Variants in GRIA1 observed in about 807,000 individuals in gnomAD.
GRIA1 encodes the protein glutamate ionotropic receptor AMPA type subunit 1.
GRIA1 carries 31 observed loss-of-function variants against 99.2 expected under a neutral mutation model. That is an observed-to-expected ratio of 0.31 (90% confidence interval 0.23 to 0.42). The LOEUF (loss-of-function observed/expected upper bound fraction) is 0.42, where lower values mean the gene tolerates loss of function less well. Ranked by LOEUF, GRIA1 falls within the 10% of genes least tolerant of loss-of-function variation. The pLI is 1.00. For missense variants in GRIA1, 782 were observed against 1,157.5 expected (o/e 0.68, Z 4.71); for synonymous variants, 438 against 432.4 (o/e 1.01, Z -0.16).
At chr5:153,794,600 G>A in intron 13 of GRIA1, 21 bp from the exon 14 acceptor site, 2 of 1,474,370 alleles carry the variant, frequency 1.4e-6, no homozygotes, top group Non-Finnish European at 1.9e-6. Context: ...CTCATCGAGT[G>A]TTATTTATTC....
chr5:153,506,409 C>T (rs1755510981), intron 2 of GRIA1, among the ~76,000 whole-genome samples: 2 of 150,506 alleles, frequency 1.3e-5, no homozygotes, highest in African/African-American at 4.9e-5. Context: ...AACTAGATGG[C>T]TTCTAGATCC....
intron 2 of GRIA1, among the ~76,000 whole-genome samples, chr5:153,605,508 A>T (rs1318507472): frequency 6.6e-6 from 1 of 152,164 alleles, no homozygotes; most frequent in Non-Finnish European, 1.5e-5. Flanking sequence ...TTTTTGTTGG[A>T]TATAAACCTG....
intron 2 of GRIA1, among the ~76,000 whole-genome samples, chr5:153,560,972 A>G (rs1257474042): frequency 1.8e-4 from 27 of 151,980 alleles, no homozygotes; most frequent in Admixed American, 1.8e-3. Flanking sequence ...GATCTGAGAC[A>G]AAGGAGCAGG....
At chr5:153,701,302 GC>G (rs1188548398) in intron 10 of GRIA1, among the ~76,000 whole-genome samples, 1 of 152,076 alleles carries the variant, frequency 6.6e-6, no homozygotes, top group Non-Finnish European at 1.5e-5. Context: ...TCCTTATCAG[GC>G]CTGTTCCTCT....
chr5:153,784,827 AC>A (rs1449209445), intron 13 of GRIA1, among the ~76,000 whole-genome samples: 1 of 152,142 alleles, frequency 6.6e-6, no homozygotes, highest in Non-Finnish European at 1.5e-5. Flanking sequence ...GGACTTTGAG[AC>A]CATTGTCCAA....
At position 153,786,096 on chromosome 5, in the gene GRIA1, A is replaced by G. The variant is rs558465814; in HGVS notation, c.2271-8525A>G. Reference sequence around the variant, plus strand: ...AGCCGTTATATTTTTCAGTTAATTGATATACATTTGCTTAGAACTGACTGT... The same window carrying G: ...AGCCGTTATATTTTTCAGTTAATTGGTATACATTTGCTTAGAACTGACTGT... On this transcript the variant is annotated intron_variant, in intron 13 of 15. Coordinates refer to ENST00000285900, the MANE Select transcript of GRIA1 (RefSeq NM_000827.4). Among the ~76,000 whole-genome samples, 571 of 152,198 alleles carry G rather than the reference A, an allele frequency of 3.8e-3. 8 individuals carry two copies. The South Asian group carries it at 0.057, about 15-fold the overall frequency.
At chr5:153,587,985 C>T (rs1645161536) in intron 2 of GRIA1, among the ~76,000 whole-genome samples, 1 of 152,106 alleles carries the variant, frequency 6.6e-6, no homozygotes, top group Non-Finnish European at 1.5e-5. Context: ...CACATTTATA[C>T]CAAAATCTTA....
chr5:153,627,410 G>C (rs1196383334), intron 2 of GRIA1, among the ~76,000 whole-genome samples: 1 of 152,102 alleles, frequency 6.6e-6, no homozygotes. Flanking sequence ...TAACCACTCA[G>C]GTGTCTAGCC....
chr5:153,697,526 G>T (rs1002462112), intron 8 of GRIA1, among the ~76,000 whole-genome samples: 2 of 152,044 alleles, frequency 1.3e-5, no homozygotes, highest in African/African-American at 4.8e-5. Context: ...GGAGACAGAA[G>T]AAATTTTTAA....
intron 2 of GRIA1, among the ~76,000 whole-genome samples, chr5:153,616,318 C>T (rs1435229127): frequency 6.6e-6 from 1 of 152,104 alleles, no homozygotes; most frequent in Non-Finnish European, 1.5e-5. Context: ...GATTATAATT[C>T]TTATCTCGCA....
At chr5:153,666,072 T>C (rs971650632) in intron 5 of GRIA1, among the ~76,000 whole-genome samples, 2 of 152,180 alleles carry the variant, frequency 1.3e-5, no homozygotes, top group South Asian at 2.1e-4. Context: ...TATGACCTGG[T>C]TCACAATAGA....
intron 13 of GRIA1, among the ~76,000 whole-genome samples, chr5:153,791,008 A>C (rs1462072481): frequency 6.6e-6 from 1 of 152,178 alleles, no homozygotes; most frequent in East Asian, 1.9e-4. Flanking sequence ...CTCTATCATG[A>C]TCAATAATCA....
At chr5:153,613,154 T>C (rs1766154103) in intron 2 of GRIA1, among the ~76,000 whole-genome samples, 1 of 149,838 alleles carries the variant, frequency 6.7e-6, no homozygotes, top group African/African-American at 2.4e-5. Context: ...GAGTACTTTC[T>C]CAGTCACTCC....
chr5:153,662,554 G>A (rs1755447062), intron 5 of GRIA1, among the ~76,000 whole-genome samples: 1 of 152,192 alleles, frequency 6.6e-6, no homozygotes, highest in South Asian at 2.1e-4. Context: ...CAGTCATGTA[G>A]AGTGTGCCCT....
chr5:153,800,643 G>T (rs927670585), intron 14 of GRIA1, among the ~76,000 whole-genome samples: 2 of 152,222 alleles, frequency 1.3e-5, no homozygotes, highest in African/African-American at 4.8e-5. Context: ...GCATGCTTTA[G>T]ATAATCCTAC....
chr5:153,713,413 C>T (rs56987262), intron 11 of GRIA1, among the ~76,000 whole-genome samples: 23,096 of 152,180 alleles, frequency 0.15, 2,223 homozygotes, highest in East Asian at 0.52. Context: ...TGGGGGTGGC[C>T]CCCATCATGG....
chr5:153,740,319 G>A (rs1308114978), intron 11 of GRIA1, among the ~76,000 whole-genome samples: 3 of 152,194 alleles, frequency 2.0e-5, no homozygotes, highest in African/African-American at 7.2e-5. Flanking sequence ...GTGAGATAAG[G>A]GAGACAGGTG....
At chr5:153,538,130 A>G (rs1758752357) in intron 2 of GRIA1, among the ~76,000 whole-genome samples, 1 of 152,212 alleles carries the variant, frequency 6.6e-6, no homozygotes, top group Admixed American at 6.5e-5. Flanking sequence ...GCATAGACTC[A>G]ACAACAGTGG....
chr5:153,699,716 A>G (rs1054540966), intron 10 of GRIA1, among the ~76,000 whole-genome samples: 1 of 152,110 alleles, frequency 6.6e-6, no homozygotes, highest in Non-Finnish European at 1.5e-5. Flanking sequence ...CCTGCCTTAT[A>G]TAACGGTTAC....
Sources: gnomAD v4.1 joint callset for allele counts (sites outside exome capture counted in the v4.1 genomes callset) on GRCh38, gnomAD v4.1.1 for gene constraint, MANE v1.5 for transcripts, NCBI Gene and HGNC (gene_info 2026-07-23, HGNC 2026-07-21) for gene names.